TNRC6C: variants seen among roughly 807,000 people sequenced by gnomAD.
The protein encoded by TNRC6C is trinucleotide repeat-containing gene 6C protein.
In TNRC6C, 20 loss-of-function variants were observed where a neutral mutation model predicts 153.7. That is an observed-to-expected ratio of 0.13 (90% CI 0.09 to 0.19). The LOEUF is 0.19. TNRC6C is among the 10% of genes least tolerant of loss of function. The pLI, the probability that TNRC6C is intolerant of heterozygous loss-of-function variation, is 1.00. For synonymous variants in TNRC6C, 811 were observed against 841.4 expected (o/e 0.96, Z 0.63); for missense variants, 1,987 against 2,172.0 (o/e 0.91, Z 1.69).
chr17:78,039,453 C>G (rs2072250211), intron 2 of TNRC6C, among the ~76,000 whole-genome samples: 1 of 152,080 alleles, frequency 6.6e-6, no homozygotes, highest in Admixed American at 6.5e-5. Flanking sequence ...AACAAGTATC[C>G]CATTTTAGAA....
chr17:78,050,725 G>A (rs778500602), exon 3 of TNRC6C: 31 of 1,584,994 alleles, frequency 2.0e-5, no homozygotes, highest in Non-Finnish European at 2.1e-5. Context: ...TGCCAAGAGT[G>A]GCCATGCTTG....
exon 13 of TNRC6C, chr17:78,087,031 T>C: frequency 6.2e-7 from 1 of 1,613,234 alleles, no homozygotes; most frequent in Non-Finnish European, 8.5e-7. Flanking sequence ...ACTCCCGGCC[T>C]ACCTGACCTG....
chr17:78,028,398 T>C (rs2143669902), intron 1 of TNRC6C, among the ~76,000 whole-genome samples: 1 of 152,306 alleles, frequency 6.6e-6, no homozygotes. Flanking sequence ...GAGGGCGTTC[T>C]GAGGCCAGGA....
At chr17:78,098,675 C>T in intron 17 of TNRC6C, 138 bp downstream of exon 20, 3 of 919,598 alleles carry the variant, frequency 3.3e-6, no homozygotes, top group Non-Finnish European at 4.8e-6. Flanking sequence ...GGCACCAGGG[C>T]CACCCTAGAT....
chr17:77,979,385 T>A (rs1222819166), intron 1 of TNRC6C, among the ~76,000 whole-genome samples: 1 of 152,198 alleles, frequency 6.6e-6, no homozygotes, highest in Non-Finnish European at 1.5e-5. Flanking sequence ...TGTGTATCTG[T>A]TATGCATCAA....
exon 3 of TNRC6C, chr17:78,051,263 C>T: frequency 6.4e-7 from 1 of 1,554,736 alleles, no homozygotes; most frequent in Non-Finnish European, 8.7e-7. Flanking sequence ...TGGGGGGACC[C>T]AAGCAACTAT....
intron 1 of TNRC6C, among the ~76,000 whole-genome samples, chr17:77,962,404 G>A (rs912035466): frequency 1.3e-5 from 2 of 152,146 alleles, no homozygotes; most frequent in Admixed American, 6.5e-5. Flanking sequence ...AAAGAAAATC[G>A]TTTGGCTGTG....
chr17:78,075,326 T>A lies in TNRC6C; in HGVS notation c.3060+48T>A, dbSNP rs768806586. ...GTTTTTGCTTTTTTAACAAGAGGAGTTTTTCATTTCAACTGTGTCCTTAAT... is the reference window on the plus strand; with the variant it reads ...GTTTTTGCTTTTTTAACAAGAGGAGATTTTCATTTCAACTGTGTCCTTAAT... On this transcript the variant is annotated intron_variant, in intron 8 of 19. Transcript: ENST00000301624. This position sits in a 1 kb window ranked among gnomAD's most constrained non-coding sequence, Gnocchi z 4.2. 5 of 1,540,386 alleles carry A rather than the reference T, an allele frequency of 3.2e-6. No individual in the cohort carries two copies. The highest frequency in any genetic ancestry group is 4.4e-6 in the Non-Finnish European group (5 of 1,138,338).
At position 78,005,097 on chromosome 17, in the gene TNRC6C, T is replaced by C; in HGVS notation, c.-546+18T>C. The C allele has an allele frequency of 3.3e-6, 4 of 1,229,920 alleles. No individual in the cohort carries two copies. The highest frequency in any genetic ancestry group is 4.1e-6 in the Non-Finnish European group (4 of 986,346). 76.2% of individuals were successfully genotyped at this position (1,229,920 alleles called of 1,614,324 possible). On this transcript the variant is annotated intron_variant, in intron 1 of 19. Coordinates refer to ENST00000301624, the Ensembl canonical transcript of TNRC6C. ...AACCAAAGGTAAGTTTATTTATATT[T>C]AGGGGGGTACATTTATGGCGGTACC...
At position 78,091,232 on chromosome 17, in the gene TNRC6C, A is replaced by G. The variant is rs919242413; in HGVS notation, c.3803-208A>G. On this transcript the variant is annotated intron_variant, in intron 13 of 19. Transcript: ENST00000301624. Reference sequence around the variant, plus strand: ...TCCCAGCTACTTGGGAGGCTGAGGCAGGAGAATCGCTTGAACCTGGGAGGC... The same window carrying G: ...TCCCAGCTACTTGGGAGGCTGAGGCGGGAGAATCGCTTGAACCTGGGAGGC... The G allele has an allele frequency of 5.6e-4, 231 of 413,756 alleles. 2 individuals carry two copies. The highest frequency in any genetic ancestry group is 1.1e-4 in the Non-Finnish European group (26 of 243,580). The allele number at this position is 413,756 out of a possible 1,614,324, so 25.6% of individuals were successfully genotyped here.
rs533031731 is a variant in TNRC6C, at chr17:78,024,393, GTC to G, written c.-545-7115_-545-7114del. 2.6e-5 allele frequency among the ~76,000 whole-genome samples: 4 copies of G among 152,064 alleles called. No individual in the cohort carries two copies. In the South Asian group the frequency reaches 6.2e-4, roughly 24 times the overall value. On this transcript the variant is annotated intron_variant, in intron 1 of 19. Coordinates refer to ENST00000301624, the Ensembl canonical transcript of TNRC6C. The stretch of plus-strand genomic sequence containing the variant: ...GTTTGTTTGTTTTTTTGGAGATGGA[GTC>G]TCTCTCTGTCTCCCAGGCTGGAGTG...
chr17:78,021,376 G>A (rs1376850230), intron 1 of TNRC6C, among the ~76,000 whole-genome samples: 1 of 152,216 alleles, frequency 6.6e-6, no homozygotes, highest in Non-Finnish European at 1.5e-5. Flanking sequence ...GCTTGTGCTC[G>A]TTCACTGGTC....
chr17:78,011,813 T>C (rs1222676928), intron 1 of TNRC6C, among the ~76,000 whole-genome samples: 1 of 152,256 alleles, frequency 6.6e-6, no homozygotes, highest in African/African-American at 2.4e-5. Context: ...TTCACCAATG[T>C]GTGGTATGGT....
At position 78,079,295 on chromosome 17, in the gene TNRC6C, C is replaced by T; in HGVS notation, c.3211-100C>T. ...AGTTGACAGTGGTAGGAAGTAGAAA[C>T]AATTTTGCATTCACTTGAAATAGAT... is the stretch of plus-strand genomic sequence containing the variant. On this transcript the variant is annotated intron_variant, in intron 9 of 19. Transcript: ENST00000301624. This position sits in a 1 kb window ranked among gnomAD's most constrained non-coding sequence, Gnocchi z 4.3. The T allele has an allele frequency of 6.6e-7, 1 of 1,524,808 alleles. No individual in the cohort carries two copies. The highest frequency in any genetic ancestry group is 8.9e-7 in the Non-Finnish European group (1 of 1,124,798). The allele number at this position is 1,524,808 out of a possible 1,614,324, so 94.5% of individuals were successfully genotyped here.
chr17:77,958,413 G>C (rs139070071), upstream of TNRC6C, among the ~76,000 whole-genome samples: 1 of 151,966 alleles, frequency 6.6e-6, no homozygotes, highest in Non-Finnish European at 1.5e-5. Flanking sequence ...AGCGCGCACC[G>C]CTCGCACCCC....
intron 1 of TNRC6C, among the ~76,000 whole-genome samples, chr17:77,993,385 A>T (rs2071281765): frequency 6.6e-6 from 1 of 152,238 alleles, no homozygotes; most frequent in Admixed American, 6.5e-5. Flanking sequence ...ACATAGTATT[A>T]GATTTACAGT....
intron 13 of TNRC6C, among the ~76,000 whole-genome samples, chr17:78,089,219 A>G (rs931111245): frequency 1.3e-5 from 2 of 151,934 alleles, no homozygotes; most frequent in Admixed American, 1.3e-4. Context: ...CCGCTCACCT[A>G]AGCCTCCCAA....
intron 17 of TNRC6C, 104 bp downstream of exon 20, chr17:78,098,641 C>T: frequency 3.0e-6 from 4 of 1,352,980 alleles, no homozygotes; most frequent in Non-Finnish European, 4.0e-6. Context: ...GCCTGTAACT[C>T]TGGAGCCTGG....
intron 1 of TNRC6C, among the ~76,000 whole-genome samples, chr17:78,015,350 A>T (rs937664168): frequency 2.6e-5 from 4 of 152,248 alleles, no homozygotes; most frequent in Non-Finnish European, 5.9e-5. Flanking sequence ...TGTAAGGGGC[A>T]TCCAAATTTC....
Sources: gnomAD v4.1 joint callset for allele counts (sites outside exome capture counted in the v4.1 genomes callset) on GRCh38, gnomAD v4.1.1 for gene constraint, Gnocchi (gnomAD v3.1) non-coding constraint, MANE v1.5 for transcripts, NCBI Gene and HGNC (gene_info 2026-07-23, HGNC 2026-07-21) for gene names.